Variants in ST6GALNAC3 observed in about 807,000 individuals in gnomAD.
ST6GALNAC3 encodes the protein ST6 N-acetylgalactosaminide alpha-2,6-sialyltransferase 3, also known as alpha-N-acetylgalactosaminide alpha-2,6-sialyltransferase 3.
A neutral mutation model predicts 32.7 loss-of-function variants in ST6GALNAC3; 25 were observed. The ratio of observed to expected loss-of-function variants is 0.76; its 90% CI spans 0.56 to 1.07. The LOEUF (loss-of-function observed/expected upper bound fraction) is 1.07. Ranked by LOEUF, ST6GALNAC3 falls within the 50% of genes least tolerant of loss-of-function variation. ST6GALNAC3 has a pLI of 0.00. For missense variants in ST6GALNAC3, 355 were observed against 382.4 expected (o/e 0.93, Z 0.60); for synonymous variants, 129 against 133.1 (o/e 0.97, Z 0.21).
At position 76,461,790 on chromosome 1, in the gene ST6GALNAC3, A is replaced by C. The variant is rs147139997; in HGVS notation, c.623+49373A>C. ...CTCCCTAGGTACATTGTTTTACTTA[A>C]TCCTATTGAAACCCCACAAGGTGAT... On this transcript the variant is annotated intron_variant, in intron 3 of 4. Coordinates refer to ENST00000328299, the MANE Select transcript of ST6GALNAC3 (RefSeq NM_152996.4). 1.3e-3 allele frequency among the ~76,000 whole-genome samples: 205 copies of C among 152,304 alleles called. 1 individual carries two copies. The highest frequency in any genetic ancestry group is 4.5e-3 in the African/African-American group (187 of 41,564).
intron 1 of ST6GALNAC3, among the ~76,000 whole-genome samples, chr1:76,155,679 G>A (rs1306419017): frequency 6.6e-5 from 10 of 151,112 alleles, no homozygotes; most frequent in Admixed American, 3.3e-4. Flanking sequence ...GGGTTTCACC[G>A]TGTTAGCTAG....
chr1:76,194,981 G>C (rs1235503296), intron 1 of ST6GALNAC3, among the ~76,000 whole-genome samples: 1 of 152,148 alleles, frequency 6.6e-6, no homozygotes, highest in African/African-American at 2.4e-5. Flanking sequence ...AGTTAATACA[G>C]ATCTTTGAGA....
chr1:76,262,219 A>G lies in ST6GALNAC3; in HGVS notation c.19-51586A>G, dbSNP rs181088207. On this transcript the variant is annotated intron_variant, in intron 1 of 4. Coordinates refer to ENST00000328299, the MANE Select transcript of ST6GALNAC3 (RefSeq NM_152996.4). Reference sequence around the variant, plus strand: ...GTAATCCTGAGAGAAATATACCCTCATTGTCTCCATATTCTATTTGGGGAA... The same window carrying G: ...GTAATCCTGAGAGAAATATACCCTCGTTGTCTCCATATTCTATTTGGGGAA... 1.5e-3 allele frequency among the ~76,000 whole-genome samples: 230 copies of G among 152,314 alleles called. 1 individual carries two copies. The highest frequency in any genetic ancestry group is 5.5e-3 in the African/African-American group (227 of 41,580).
Position 76,217,558 on chromosome 1 carries a change from G to A in ST6GALNAC3, c.19-96247G>A, listed in dbSNP as rs549624363. Among the ~76,000 whole-genome samples the A allele has an allele frequency of 2.6e-5, 4 of 152,256 alleles. No homozygotes were observed. The South Asian group carries it at 8.3e-4, about 32-fold the overall frequency. ...AATAGGATTTGGGAGAACCAGTGGT[G>A]TTTGGTTACATGAATATCTTCTTTA... On this transcript the variant is annotated intron_variant, in intron 1 of 4. Transcript: ENST00000328299.
intron 2 of ST6GALNAC3, 94 bp from the exon 3 acceptor site, chr1:76,411,914 A>G: frequency 7.5e-7 from 1 of 1,338,368 alleles, no homozygotes; most frequent in East Asian, 2.4e-5. Context: ...CATATTTGGT[A>G]ATTATACAAT....
At chr1:76,405,066 C>T (rs1469906194) in intron 2 of ST6GALNAC3, among the ~76,000 whole-genome samples, 3 of 151,992 alleles carry the variant, frequency 2.0e-5, no homozygotes, top group African/African-American at 7.2e-5. Flanking sequence ...TTAGAGCTAT[C>T]CAATGTTGTG....
chr1:76,324,537 C>T (rs1371692335), intron 2 of ST6GALNAC3, among the ~76,000 whole-genome samples: 1 of 152,162 alleles, frequency 6.6e-6, no homozygotes, highest in Non-Finnish European at 1.5e-5. Flanking sequence ...AAATATCAGA[C>T]AAATAAATAT....
chr1:76,251,972 C>T (rs1342582759), intron 1 of ST6GALNAC3, among the ~76,000 whole-genome samples: 1 of 152,148 alleles, frequency 6.6e-6, no homozygotes, highest in East Asian at 1.9e-4. Context: ...CATCTAAAGG[C>T]AAACATGCTC....
intron 1 of ST6GALNAC3, among the ~76,000 whole-genome samples, chr1:76,222,805 T>G (rs764402562): frequency 3.9e-5 from 6 of 152,048 alleles, no homozygotes; most frequent in African/African-American, 4.8e-5. Context: ...GAAAAAATGC[T>G]CAATATCATT....
Position 76,455,392 on chromosome 1 carries a change from A to G in ST6GALNAC3, c.623+42975A>G, listed in dbSNP as rs1030558743. ...AGATTTTGAAATGTGTTTGAGTGGA[A>G]GGTTTTATGTTCACTGTAGCTTGGT... On this transcript the variant is annotated intron_variant, in intron 3 of 4. Coordinates refer to ENST00000328299, the MANE Select transcript of ST6GALNAC3 (RefSeq NM_152996.4). Among the ~76,000 whole-genome samples, 19 of 152,270 alleles carry G rather than the reference A, an allele frequency of 1.2e-4. 2 individuals carry two copies. The highest frequency in any genetic ancestry group is 8.5e-4 in the Admixed American group (13 of 15,286).
intron 3 of ST6GALNAC3, among the ~76,000 whole-genome samples, chr1:76,614,718 C>CAAAAAAAAAAAAAAAAA (rs55744575): frequency 5.9e-5 from 4 of 67,522 alleles, no homozygotes; most frequent in African/African-American, 2.0e-4. Flanking sequence ...GACTCCATCT[C>CAAAAAAAAAAAAAAAAA]AAAAAAAAAA....
chr1:76,339,307 G>A (rs1028151536), intron 2 of ST6GALNAC3, among the ~76,000 whole-genome samples: 1 of 152,160 alleles, frequency 6.6e-6, no homozygotes, highest in African/African-American at 2.4e-5. Flanking sequence ...CAGATTCAGA[G>A]ATTTAAAGAT....
intron 1 of ST6GALNAC3, among the ~76,000 whole-genome samples, chr1:76,167,442 AGATTCCTT>A (rs1652194854): frequency 6.6e-6 from 1 of 152,138 alleles, no homozygotes. Flanking sequence ...ATTGGCCTGA[AGATTCCTT>A]TTGTTGTTGT....
chr1:76,513,735 G>A (rs1447543645), intron 3 of ST6GALNAC3, among the ~76,000 whole-genome samples: 1 of 151,988 alleles, frequency 6.6e-6, no homozygotes, highest in Admixed American at 6.6e-5. Flanking sequence ...TACATCTGTG[G>A]ATAACTTTGG....
chr1:76,126,485 T>C (rs1649258984), intron 1 of ST6GALNAC3, among the ~76,000 whole-genome samples: 1 of 148,042 alleles, frequency 6.8e-6, no homozygotes, highest in South Asian at 2.3e-4. Context: ...TCATGACGAA[T>C]GAATATACCT....
intron 3 of ST6GALNAC3, among the ~76,000 whole-genome samples, chr1:76,497,241 T>C (rs1301044973): frequency 6.6e-6 from 1 of 152,114 alleles, no homozygotes. Context: ...GAGTGAGACA[T>C]AACGGTAGGC....
intron 1 of ST6GALNAC3, among the ~76,000 whole-genome samples, chr1:76,278,564 T>A (rs573215889): frequency 1.3e-5 from 2 of 152,192 alleles, no homozygotes; most frequent in African/African-American, 4.8e-5. Context: ...GCCTTTGATA[T>A]CTGGTTACCT....
At chr1:76,392,804 C>A (rs190778629) in intron 2 of ST6GALNAC3, among the ~76,000 whole-genome samples, 2 of 152,322 alleles carry the variant, frequency 1.3e-5, no homozygotes, top group Admixed American at 6.5e-5. Flanking sequence ...CAAAACTCAG[C>A]TTGGGAAGTT....
intron 3 of ST6GALNAC3, among the ~76,000 whole-genome samples, chr1:76,424,509 C>G (rs1655241876): frequency 6.6e-6 from 1 of 151,790 alleles, no homozygotes; most frequent in Non-Finnish European, 1.5e-5. Context: ...TTAAGATGAA[C>G]ATTTTTCTCT....
Sources: allele counts gnomAD v4.1 joint callset (sites outside exome capture counted in the v4.1 genomes callset), GRCh38; gene constraint gnomAD v4.1.1; transcripts MANE v1.5; gene names NCBI Gene and HGNC (gene_info 2026-07-23, HGNC 2026-07-21).